NLRP14: variants seen among roughly 807,000 people sequenced by gnomAD.
NLRP14 encodes the protein NLR family pyrin domain containing 14, also known as NACHT, LRR and PYD domains-containing protein 14.
A neutral mutation model predicts 94.7 loss-of-function variants in NLRP14; 105 were observed. The ratio of observed to expected loss-of-function variants is 1.11; its 90% CI spans 0.95 to 1.30. The LOEUF (loss-of-function observed/expected upper bound fraction) is 1.30. Among genes scored for constraint, NLRP14 ranks in the 50% most tolerant of loss-of-function variants. The pLI is 0.00. For synonymous variants in NLRP14, 508 were observed against 459.9 expected (o/e 1.10, Z -1.34); for missense variants, 1,362 against 1,254.1 (o/e 1.09, Z -1.30).
chr11:7,090,219 C>A, the NLRP14 span: 2 of 1,611,958 alleles, frequency 1.2e-6, no homozygotes, highest in Admixed American at 1.7e-5. Context: ...TTCTTACAGC[C>A]GGTCAGGCTG....
chr11:7,090,203 G>A, the NLRP14 span: 1 of 1,612,904 alleles, frequency 6.2e-7, no homozygotes, highest in African/African-American at 1.3e-5. Flanking sequence ...GCCCTCCCCA[G>A]CGTGATTCTT....
At chr11:7,062,989 C>G (rs942123327) in intron 10 of NLRP14, among the ~76,000 whole-genome samples, 10 of 152,044 alleles carry the variant, frequency 6.6e-5, no homozygotes, top group African/African-American at 2.4e-4. Context: ...ACTTATACAA[C>G]ATGAATTATT....
intron 9 of NLRP14, 139 bp downstream of exon 9, chr11:7,060,203 C>A: frequency 2.5e-6 from 2 of 803,294 alleles, no homozygotes; most frequent in East Asian, 4.9e-5. Flanking sequence ...CTGCCTGAGA[C>A]AAGCTGGGGA....
At chr11:7,036,660 C>T (rs1373525959) in intron 1 of NLRP14, among the ~76,000 whole-genome samples, 2 of 152,032 alleles carry the variant, frequency 1.3e-5, no homozygotes, top group African/African-American at 4.8e-5. Flanking sequence ...CCAAAATGCC[C>T]CTTGAGTTTT....
rs1356054951 is a variant in NLRP14, at chr11:7,020,734, T to C, written c.-58T>C. 1.3e-5 allele frequency: 2 copies of C among 152,336 alleles called. No individual in the cohort carries two copies. The highest frequency in any genetic ancestry group is 3.8e-4 in the East Asian group (2 of 5,206). The allele number at this position is 152,336 out of a possible 1,614,324, so 9.4% of individuals were successfully genotyped here. ...CGCCTTGGCGGAATGGGCACCTCACTAGCCCTGGCACTAGCTAGCATCGCT... is the reference window on the plus strand; with the variant it reads ...CGCCTTGGCGGAATGGGCACCTCACCAGCCCTGGCACTAGCTAGCATCGCT... On this transcript the variant is annotated 5_prime_UTR_variant, in exon 1 of 12. Coordinates refer to ENST00000299481, the MANE Select transcript of NLRP14 (RefSeq NM_176822.4).
At chr11:7,082,153 C>T in the NLRP14 span, among the ~76,000 whole-genome samples, 402 of 152,238 alleles carry the variant, frequency 2.6e-3, 3 homozygotes, top group African/African-American at 9.3e-3. Flanking sequence ...TCACAGGATA[C>T]CCCTTGGTCT....
intron 10 of NLRP14, 23 bp downstream of exon 10, chr11:7,062,526 G>C: frequency 6.2e-7 from 1 of 1,602,464 alleles, no homozygotes; most frequent in Non-Finnish European, 8.5e-7. Context: ...TTTTCCATTA[G>C]GAAAATGATG....
At chr11:7,030,289 A>C (rs1036127811) in intron 1 of NLRP14, among the ~76,000 whole-genome samples, 3 of 152,226 alleles carry the variant, frequency 2.0e-5, no homozygotes, top group Non-Finnish European at 2.9e-5. Flanking sequence ...ATGAAATTGC[A>C]CTATCCATAA....
At chr11:7,021,134 G>A (rs1007023946) in intron 1 of NLRP14, among the ~76,000 whole-genome samples, 3 of 152,170 alleles carry the variant, frequency 2.0e-5, no homozygotes, top group Admixed American at 2.0e-4. Flanking sequence ...GGGACTCCTT[G>A]GATTCAAATC....
chr11:7,057,594 T>G, intron 6 of NLRP14, 83 bp from the exon 7 acceptor site: 1 of 1,317,826 alleles, frequency 7.6e-7, no homozygotes, highest in South Asian at 1.2e-5. Flanking sequence ...ATTAGGAAAC[T>G]TCCTACCTTT....
chr11:7,042,927 G>T lies in NLRP14; in HGVS notation c.901G>T (p.Ala301Ser). 1 of 1,614,028 alleles carries T rather than the reference G, an allele frequency of 6.2e-7. No homozygotes were observed. Among genetic ancestry groups the T allele is most frequent in the East Asian group, 2.2e-5 (1 of 44,878 alleles). Residue 301 changes from alanine to serine, a missense_variant, in exon 4 of 12, where the codon GCA (alanine) becomes TCA (serine). Ala to Ser is a moderately conservative substitution (Grantham distance 99). Transcript: ENST00000299481. ...GCTGAGGAAAGTGATGCTCCCTGAG[G>T]CATCCTTATTGGTGACAACAAGACT... ...SLLRKVMLPE[A>S]SLLVTTRLTT...
intron 1 of NLRP14, among the ~76,000 whole-genome samples, chr11:7,034,757 C>G (rs925622929): frequency 6.6e-6 from 1 of 152,234 alleles, no homozygotes; most frequent in East Asian, 1.9e-4. Flanking sequence ...ATATTCTTTG[C>G]TGTTTTCTCC....
intron 10 of NLRP14, among the ~76,000 whole-genome samples, chr11:7,067,014 GT>G (rs1464047686): frequency 2.6e-5 from 4 of 152,090 alleles, no homozygotes; most frequent in Admixed American, 6.6e-5. Flanking sequence ...GTGGTTGTAG[GT>G]GTGTGGTGAT....
the NLRP14 span, chr11:7,089,623 G>C: frequency 6.4e-6 from 8 of 1,243,426 alleles, no homozygotes; most frequent in Non-Finnish European, 8.1e-6. Context: ...GCGCCGTCGG[G>C]CCCGGCTCGC....
chr11:7,045,085 T>C (rs1589863395), intron 4 of NLRP14, among the ~76,000 whole-genome samples: 1 of 152,222 alleles, frequency 6.6e-6, no homozygotes, highest in Admixed American at 6.5e-5. Context: ...TTATCCAAGC[T>C]GTTTCAGTAC....
chr11:7,041,215 G>A (rs903728503), intron 3 of NLRP14, among the ~76,000 whole-genome samples: 1 of 151,992 alleles, frequency 6.6e-6, no homozygotes, highest in East Asian at 1.9e-4. Flanking sequence ...GGATTTTTTA[G>A]TTATCATTTG....
chr11:7,071,861 A>G (rs999551250), downstream of NLRP14, among the ~76,000 whole-genome samples: 5 of 152,134 alleles, frequency 3.3e-5, no homozygotes, highest in South Asian at 2.1e-4. Context: ...ATTCTTAAGT[A>G]TACTAATAGT....
Position 7,060,080 on chromosome 11 carries a change from C to T in NLRP14, c.2804+16C>T. The T allele has an allele frequency of 1.2e-6, 2 of 1,609,244 alleles. No homozygotes were observed. Among genetic ancestry groups the T allele is most frequent in the Non-Finnish European group, 1.7e-6 (2 of 1,175,936 alleles). On this transcript the variant is annotated intron_variant, in intron 9 of 11. Transcript: ENST00000299481. The stretch of plus-strand genomic sequence containing the variant: ...AGGACTTGGAGTAGGTTTTCTGTTG[C>T]TTTACTTTTGTGTAGTTTCAACAAC...
At chr11:7,076,178 T>C (rs1238638179), downstream of NLRP14, among the ~76,000 whole-genome samples, 1 of 152,160 alleles carries the variant, frequency 6.6e-6, no homozygotes, top group Non-Finnish European at 1.5e-5. Context: ...ATAGTATTTA[T>C]CTTGGTTACT....
Sources: gnomAD v4.1 joint callset for allele counts (sites outside exome capture counted in the v4.1 genomes callset) on GRCh38, gnomAD v4.1.1 for gene constraint, MANE v1.5 for transcripts, NCBI Gene and HGNC (gene_info 2026-07-23, HGNC 2026-07-21) for gene names.